Variants in SLC16A7 observed in about 807,000 individuals in gnomAD.
SLC16A7 encodes the protein solute carrier family 16 member 7, also known as monocarboxylate transporter 2.
SLC16A7 carries 33 observed loss-of-function variants against 34.9 expected under a neutral mutation model. The ratio of observed to expected loss-of-function variants is 0.94; its 90% CI spans 0.72 to 1.26. The LOEUF (loss-of-function observed/expected upper bound fraction) is 1.26. SLC16A7 is among the 50% of genes most tolerant of loss of function. SLC16A7 has a pLI of 0.00. For synonymous variants in SLC16A7, 201 were observed against 206.6 expected (o/e 0.97, Z 0.23); for missense variants, 573 against 578.1 (o/e 0.99, Z 0.09).
chr12:59,708,007 G>GA (rs1403776710), intron 3 of SLC16A7, among the ~76,000 whole-genome samples: 2 of 152,056 alleles, frequency 1.3e-5, no homozygotes, highest in African/African-American at 4.8e-5. Context: ...TAGTTTGTTG[G>GA]AAATAACATC....
chr12:59,614,072 A>G (rs551759766), intron 1 of SLC16A7, among the ~76,000 whole-genome samples: 43 of 127,216 alleles, frequency 3.4e-4, no homozygotes, highest in African/African-American at 1.2e-3. Flanking sequence ...TTTTTTTTTG[A>G]CAGAGTCTCA....
chr12:59,766,465 G>A (rs1881643384), intron 3 of SLC16A7, among the ~76,000 whole-genome samples: 1 of 152,096 alleles, frequency 6.6e-6, no homozygotes, highest in Non-Finnish European at 1.5e-5. Context: ...TTGGCTGTGG[G>A]TTTGTCATAG....
chr12:59,701,409 G>T (rs1872862374), intron 2 of SLC16A7, among the ~76,000 whole-genome samples: 1 of 151,316 alleles, frequency 6.6e-6, no homozygotes, highest in Non-Finnish European at 1.5e-5. Context: ...AGGAAAATAG[G>T]CTTAAATTTA....
chr12:59,726,695 T>C (rs752852645), intron 3 of SLC16A7, among the ~76,000 whole-genome samples: 12 of 152,142 alleles, frequency 7.9e-5, no homozygotes, highest in Non-Finnish European at 1.5e-4. Flanking sequence ...TCTTGGATTC[T>C]CCGTCTTGGG....
rs4432061 is a variant in SLC16A7 at position 59,780,107 on chromosome 12, G to A, written c.*428G>A. ...ATATTAAAGTATGAGATAGAGTTGA[G>A]AGACAATTAATTATCCCCTCTTACA... On this transcript the variant is annotated 3_prime_UTR_variant, in exon 6 of 6. Coordinates refer to ENST00000547379, the MANE Select transcript of SLC16A7 (RefSeq NM_001270623.2). 0.076 allele frequency: 11,901 copies of A among 156,330 alleles called. 546 individuals are homozygous for A. Among genetic ancestry groups the A allele is most frequent in the Middle Eastern group, 0.17 (51 of 302 alleles). 9.7% of individuals were successfully genotyped at this position (156,330 alleles called of 1,614,324 possible).
intron 1 of SLC16A7, among the ~76,000 whole-genome samples, chr12:59,606,275 AT>A (rs1202367022): frequency 6.6e-6 from 1 of 152,148 alleles, no homozygotes; most frequent in African/African-American, 2.4e-5. Flanking sequence ...AAGTGGTGAA[AT>A]TTTCACTTAG....
rs1874386243 is a variant in SLC16A7 at position 59,712,752 on chromosome 12, G to A, written c.217+7734G>A. Among the ~76,000 whole-genome samples, 5 of 152,296 alleles carry A rather than the reference G, an allele frequency of 3.3e-5. No individual in the cohort carries two copies. In the South Asian group the frequency reaches 1.0e-3, roughly 32 times the overall value. On this transcript the variant is annotated intron_variant, in intron 3 of 5. Transcript: ENST00000547379. The stretch of plus-strand genomic sequence containing the variant: ...GTAAACTATGTGGTCATTGGTGGCA[G>A]CTGTGATGTCCCCACTGGAGCAATC...
intron 3 of SLC16A7, among the ~76,000 whole-genome samples, chr12:59,767,344 G>T (rs934486128): frequency 6.6e-6 from 1 of 151,972 alleles, no homozygotes. Flanking sequence ...ACAACAGATT[G>T]TCAGTGTTGA....
At chr12:59,680,703 T>C (rs1156720892) in intron 2 of SLC16A7, among the ~76,000 whole-genome samples, 1 of 152,214 alleles carries the variant, frequency 6.6e-6, no homozygotes, top group Non-Finnish European at 1.5e-5. Context: ...TATTCATGTT[T>C]TTTTTTTAGC....
At chr12:59,743,632 A>G (rs931023443) in intron 3 of SLC16A7, among the ~76,000 whole-genome samples, 1 of 152,226 alleles carries the variant, frequency 6.6e-6, no homozygotes, top group African/African-American at 2.4e-5. Flanking sequence ...GTAAATTAAG[A>G]CTTTAACAAA....
At chr12:59,775,625 T>C in intron 5 of SLC16A7, 150 bp downstream of exon 5, 1 of 627,982 alleles carries the variant, frequency 1.6e-6, no homozygotes, top group East Asian at 2.8e-5. Context: ...TATTATAAAC[T>C]TTAAAATTTC....
chr12:59,762,731 C>A (rs1004978886), intron 3 of SLC16A7, among the ~76,000 whole-genome samples: 2 of 151,632 alleles, frequency 1.3e-5, no homozygotes, highest in African/African-American at 2.4e-5. Context: ...TCACTTGAGG[C>A]TCAGAGTTTG....
chr12:59,692,613 GATAATT>G (rs1871804964), intron 2 of SLC16A7, among the ~76,000 whole-genome samples: 1 of 151,942 alleles, frequency 6.6e-6, no homozygotes, highest in African/African-American at 2.4e-5. Flanking sequence ...ATTCTTCATA[GATAATT>G]ATATACTGGT....
At chr12:59,706,824 C>A (rs1873639702) in intron 3 of SLC16A7, among the ~76,000 whole-genome samples, 1 of 151,972 alleles carries the variant, frequency 6.6e-6, no homozygotes, top group African/African-American at 2.4e-5. Context: ...AATATAAGTC[C>A]ATTGAATTTG....
chr12:59,621,296 C>T (rs982436550), intron 1 of SLC16A7, among the ~76,000 whole-genome samples: 6 of 151,840 alleles, frequency 4.0e-5, no homozygotes, highest in African/African-American at 1.4e-4. Flanking sequence ...CTGGATAGAG[C>T]AGTCCTTGAA....
intron 2 of SLC16A7, among the ~76,000 whole-genome samples, chr12:59,671,881 G>A (rs796279635): frequency 3.1e-5 from 3 of 98,360 alleles, no homozygotes; most frequent in Non-Finnish European, 4.4e-5. Context: ...GTGTATATAT[G>A]TATATATGTA....
chr12:59,666,360 T>C (rs1402619273), intron 2 of SLC16A7, among the ~76,000 whole-genome samples: 1 of 152,206 alleles, frequency 6.6e-6, no homozygotes, highest in African/African-American at 2.4e-5. Flanking sequence ...AATTTATATA[T>C]CAGTTCAGTT....
Position 59,785,479 on chromosome 12 carries a change from A to G in SLC16A7, c.*5800A>G, listed in dbSNP as rs1301237016. On this transcript the variant is annotated 3_prime_UTR_variant, in exon 6 of 6. Transcript: ENST00000547379. ...CAGAAGCATATGGGAATTTAGATCA[A>G]ATTACATCTCCCATCCCAATCTCCT... 1 of 152,166 alleles carries G rather than the reference A, an allele frequency of 6.6e-6. No homozygotes were observed. The highest frequency in any genetic ancestry group is 1.5e-5 in the Non-Finnish European group (1 of 68,020). 9.4% of individuals were successfully genotyped at this position (152,166 alleles called of 1,614,324 possible).
intron 1 of SLC16A7, among the ~76,000 whole-genome samples, chr12:59,630,752 A>T (rs547966975): frequency 1.1e-4 from 17 of 152,028 alleles, no homozygotes; most frequent in Non-Finnish European, 2.1e-4. Context: ...TTTCATAATA[A>T]GTTTGTAGAG....
Sources: gnomAD v4.1 joint callset for allele counts (sites outside exome capture counted in the v4.1 genomes callset) on GRCh38, gnomAD v4.1.1 for gene constraint, MANE v1.5 for transcripts, NCBI Gene and HGNC (gene_info 2026-07-23, HGNC 2026-07-21) for gene names.